The following NEBL variants were observed in gnomAD, a reference collection of about 807,000 sequenced individuals.
NEBL encodes nebulette.
NEBL carries 122 observed loss-of-function variants against 140.2 expected under a neutral mutation model. The observed-to-expected ratio is 0.87, with a 90% CI of 0.75 to 1.01. The LOEUF (loss-of-function observed/expected upper bound fraction) is 1.01, where lower values mean the gene tolerates loss of function less well. Ranked by LOEUF, NEBL falls within the 50% of genes least tolerant of loss-of-function variation. The pLI is 0.00. For synonymous variants in NEBL, 436 were observed against 398.9 expected (o/e 1.09, Z -1.11); for missense variants, 1,365 against 1,231.3 (o/e 1.11, Z -1.62).
At chr10:20,834,461 T>A (rs1840697968) in intron 14 of NEBL, among the ~76,000 whole-genome samples, 1 of 152,216 alleles carries the variant, frequency 6.6e-6, no homozygotes, top group Admixed American at 6.5e-5. Flanking sequence ...TTCCTTTGTC[T>A]TATTCAATCA....
chr10:20,932,601 T>A (rs1235957656), intron 4 of NEBL, among the ~76,000 whole-genome samples: 2 of 152,310 alleles, frequency 1.3e-5, no homozygotes, highest in East Asian at 3.9e-4. Context: ...TTTTTTAAAA[T>A]TTTTAAGAAA....
In NEBL at chr10:20,845,378, A is replaced by G; in HGVS notation, c.1117-10T>C. ...CCTCTTTGTAAACTTTCTGTTAAAT[A>G]AGACCACATAATTTTAAAGTTAGCA... On this transcript the variant is annotated splice_polypyrimidine_tract_variant and intron_variant, in intron 11 of 27. Coordinates refer to ENST00000377122, the MANE Select transcript of NEBL (RefSeq NM_006393.3). The G allele has an allele frequency of 6.9e-7, 1 of 1,453,452 alleles. No homozygotes were observed. Among genetic ancestry groups the G allele is most frequent in the South Asian group, 1.1e-5 (1 of 87,854 alleles). 90.0% of individuals were successfully genotyped at this position (1,453,452 alleles called of 1,614,324 possible).
chr10:21,176,351 T>C (rs1406561355), upstream of NEBL, among the ~76,000 whole-genome samples: 1 of 152,190 alleles, frequency 6.6e-6, no homozygotes, highest in African/African-American at 2.4e-5. Context: ...GTGCCTGACA[T>C]ACAGTATGAA....
intron 3 of NEBL, among the ~76,000 whole-genome samples, chr10:20,971,864 C>T (rs574102366): frequency 4.7e-4 from 71 of 152,044 alleles, no homozygotes; most frequent in Non-Finnish European, 8.5e-4. Flanking sequence ...CCGCCTGCCT[C>T]GGCCTCCCAA....
chr10:21,092,476 C>T (rs968305838), intron 2 of NEBL, among the ~76,000 whole-genome samples: 5 of 151,880 alleles, frequency 3.3e-5, no homozygotes, highest in East Asian at 3.9e-4. Context: ...ATTTGAAGTT[C>T]GTCTGACCTG....
chr10:20,859,656 T>C, intron 8 of NEBL, 57 bp downstream of exon 8: 2 of 1,189,750 alleles, frequency 1.7e-6, no homozygotes, highest in South Asian at 2.6e-5. Context: ...CAGTCGATTC[T>C]AAAAAAAACA....
chr10:20,815,305 T>C (rs2130802814), intron 22 of NEBL, among the ~76,000 whole-genome samples: 1 of 152,334 alleles, frequency 6.6e-6, no homozygotes, highest in South Asian at 2.1e-4. Flanking sequence ...ATGACAATTA[T>C]TTAACGCACA....
At chr10:21,069,408 T>C (rs1197094676) in intron 2 of NEBL, among the ~76,000 whole-genome samples, 1 of 152,180 alleles carries the variant, frequency 6.6e-6, no homozygotes, top group Non-Finnish European at 1.5e-5. Flanking sequence ...CACTTGGAAA[T>C]TTCCCCTCTA....
At chr10:20,836,923 A>T (rs1840952333) in intron 13 of NEBL, among the ~76,000 whole-genome samples, 1 of 152,068 alleles carries the variant, frequency 6.6e-6, no homozygotes, top group Non-Finnish European at 1.5e-5. Context: ...CACCAAATGC[A>T]CCCCTATAAG....
intron 2 of NEBL, chr10:21,030,584 G>T (rs1050492859): frequency 1.2e-5 from 8 of 650,102 alleles, no homozygotes; most frequent in Non-Finnish European, 2.0e-5. Flanking sequence ...TACCCTACAA[G>T]TGGTGGGGGA....
intron 7 of NEBL, among the ~76,000 whole-genome samples, chr10:20,865,412 G>C (rs1221123671): frequency 6.6e-6 from 1 of 152,070 alleles, no homozygotes; most frequent in Non-Finnish European, 1.5e-5. Flanking sequence ...GAGAAATGAA[G>C]CAATTTGTCC....
chr10:20,794,122 G>A (rs376679491), intron 26 of NEBL, among the ~76,000 whole-genome samples: 8 of 152,292 alleles, frequency 5.3e-5, no homozygotes, highest in South Asian at 4.1e-4. Flanking sequence ...GGAGGTTAGC[G>A]TGCAACATTC....
intron 2 of NEBL, among the ~76,000 whole-genome samples, chr10:21,249,014 GTGTTTTTGTTTT>G (rs66830814): frequency 2.3e-4 from 35 of 151,456 alleles, no homozygotes; most frequent in African/African-American, 6.8e-4. Flanking sequence ...TCATTTTTGG[GTGTTTTTGTTTT>G]TGTTTTTGTT....
chr10:21,076,098 T>C (rs1836061487), intron 2 of NEBL, among the ~76,000 whole-genome samples: 1 of 150,974 alleles, frequency 6.6e-6, no homozygotes, highest in African/African-American at 2.4e-5. Context: ...TAATGTAAAA[T>C]GGTACAGCTA....
chr10:20,979,005 G>A (rs1836919737), intron 3 of NEBL, among the ~76,000 whole-genome samples: 1 of 151,870 alleles, frequency 6.6e-6, no homozygotes, highest in Non-Finnish European at 1.5e-5. Flanking sequence ...AAGTAAATAA[G>A]TAAAAATTAA....
rs186630243 is a variant in NEBL at position 20,922,266 on chromosome 10, C to T, written c.357+39406G>A. ...TCACTGACTCCTCTCTGTGTCATAGCGACCCAAATATAGGCCCTCCCTCCA... is the reference window on the plus strand; with the variant it reads ...TCACTGACTCCTCTCTGTGTCATAGTGACCCAAATATAGGCCCTCCCTCCA... On this transcript the variant is annotated intron_variant, in intron 4 of 6. Coordinates refer to the NEBL transcript ENST00000417816. 5.9e-3 allele frequency among the ~76,000 whole-genome samples: 892 copies of T among 152,248 alleles called. 5 individuals are homozygous for T. The highest frequency in any genetic ancestry group is 0.014 in the Middle Eastern group (4 of 294).
At chr10:20,846,041 T>C (rs2131013146) in intron 11 of NEBL, among the ~76,000 whole-genome samples, 1 of 152,282 alleles carries the variant, frequency 6.6e-6, no homozygotes, top group Admixed American at 6.5e-5. Context: ...GATGCGACGG[T>C]GATAGCTGGG....
In NEBL at chr10:20,982,013, T is replaced by C. The variant is rs150144520; in HGVS notation, c.250-20234A>G. On this transcript the variant is annotated intron_variant, in intron 3 of 6. Transcript: ENST00000417816. ...TACATTTTGTTAGCATTAAAACATA[T>C]CTCAATGGGTTTTAGAGTCTTCCAG... Among the ~76,000 whole-genome samples the C allele has an allele frequency of 4.2e-3, 639 of 152,270 alleles. 4 individuals are homozygous for C. Among genetic ancestry groups the C allele is most frequent in the African/African-American group, 0.015 (614 of 41,564 alleles).
At chr10:20,909,037 T>C (rs1339060161) in intron 4 of NEBL, among the ~76,000 whole-genome samples, 1 of 152,074 alleles carries the variant, frequency 6.6e-6, no homozygotes, top group Non-Finnish European at 1.5e-5. Context: ...ACAGTAGGTA[T>C]ATATATTTAT....
Sources: gnomAD v4.1 joint callset for allele counts (sites outside exome capture counted in the v4.1 genomes callset) on GRCh38, gnomAD v4.1.1 for gene constraint, MANE v1.5 for transcripts, NCBI Gene and HGNC (gene_info 2026-07-23, HGNC 2026-07-21) for gene names.